Variants in PIGU observed in about 807,000 individuals in gnomAD.
PIGU encodes phosphatidylinositol glycan anchor biosynthesis class U.
PIGU carries 24 observed loss-of-function variants against 49.9 expected under a neutral mutation model. The ratio of observed to expected loss-of-function variants is 0.48; its 90% CI spans 0.35 to 0.68. The LOEUF is 0.68. Ranked by LOEUF, PIGU falls within the 30% of genes least tolerant of loss-of-function variation. PIGU has a pLI of 0.01. For missense variants in PIGU, 490 were observed against 532.6 expected (o/e 0.92, Z 0.79); for synonymous variants, 220 against 205.7 (o/e 1.07, Z -0.59).
At position 34,560,869 on chromosome 20, in the gene PIGU, C is replaced by A; in HGVS notation, c.1305G>T (p.Lys435Asn). Residue 435 changes from lysine to asparagine, a missense_variant, in exon 12 of 12, where the codon AAG becomes AAT. Lys to Asn is a moderately conservative substitution (Grantham distance 94, BLOSUM62 0). Transcript: ENST00000217446. ...KDGTEAMLVLK is the reference protein window; with the variant it reads ...KDGTEAMLVLN Reference sequence around the variant, plus strand: ...TGCAGCCCTGTGCCAGCCAGGCCTACTTGAGCACGAGCATGGCCTCTGTGC... The same window carrying A: ...TGCAGCCCTGTGCCAGCCAGGCCTAATTGAGCACGAGCATGGCCTCTGTGC... The A allele has an allele frequency of 1.2e-6, 2 of 1,603,064 alleles. No homozygotes were observed. The highest frequency in any genetic ancestry group is 1.7e-6 in the Non-Finnish European group (2 of 1,172,328).
At chr20:34,580,595 C>T (rs977595969) in intron 10 of PIGU, among the ~76,000 whole-genome samples, 1 of 152,250 alleles carries the variant, frequency 6.6e-6, no homozygotes, top group Non-Finnish European at 1.5e-5. Context: ...GAAAGTTCAA[C>T]AGCTCCCTTC....
chr20:34,564,433 C>T (rs575253572), intron 11 of PIGU, among the ~76,000 whole-genome samples: 2 of 152,212 alleles, frequency 1.3e-5, no homozygotes, highest in South Asian at 4.1e-4. Context: ...CTCGGGAAGC[C>T]GAGGCAAGGG....
intron 10 of PIGU, among the ~76,000 whole-genome samples, chr20:34,576,987 A>G (rs1425026944): frequency 6.6e-6 from 1 of 152,110 alleles, no homozygotes; most frequent in Non-Finnish European, 1.5e-5. Flanking sequence ...GGTTCTGGGG[A>G]TTACAACGTG....
In PIGU at chr20:34,605,071, G is replaced by A. The variant is rs148710123; in HGVS notation, c.627+10971C>T. 2.2e-4 allele frequency among the ~76,000 whole-genome samples: 33 copies of A among 152,234 alleles called. No homozygotes were observed. In the East Asian group the frequency reaches 5.6e-3, roughly 26 times the overall value. On this transcript the variant is annotated intron_variant, in intron 7 of 11. Coordinates refer to ENST00000217446, the MANE Select transcript of PIGU (RefSeq NM_080476.5). ...TTCAGCTTCTCGGTCCTGTGCACTC[G>A]GCTTTCCTTCACTGGAGCCTCCTGC...
intron 6 of PIGU, among the ~76,000 whole-genome samples, chr20:34,627,888 G>A (rs964963203): frequency 5.9e-5 from 9 of 152,026 alleles, no homozygotes; most frequent in Non-Finnish European, 1.3e-4. Flanking sequence ...TGACCACCAC[G>A]ATCTTCAGAA....
At chr20:34,636,143 G>A (rs1985955241) in intron 5 of PIGU, among the ~76,000 whole-genome samples, 1 of 152,160 alleles carries the variant, frequency 6.6e-6, no homozygotes, top group Non-Finnish European at 1.5e-5. Flanking sequence ...AGAGGCTACA[G>A]TGAGCCGTGA....
intron 7 of PIGU, among the ~76,000 whole-genome samples, chr20:34,614,642 AAT>A (rs1414857903): frequency 1.3e-5 from 2 of 151,766 alleles, no homozygotes; most frequent in Non-Finnish European, 2.9e-5. Flanking sequence ...AAAAAAAAAA[AAT>A]TTCTACGTTA....
chr20:34,674,949 A>G (rs1390381841), intron 1 of PIGU, among the ~76,000 whole-genome samples: 11 of 176 alleles, frequency 0.062, no homozygotes, highest in Admixed American at 0.25. Flanking sequence ...CTCTTGAAGA[A>G]AAAAAAAAAA....
chr20:34,587,534 A>G (rs6059931), intron 8 of PIGU, among the ~76,000 whole-genome samples: 129,109 of 152,152 alleles, frequency 0.85, 54,985 homozygotes, highest in Admixed American at 0.92. Context: ...ATTTTGGTAT[A>G]TACAATACTC....
chr20:34,608,343 G>C (rs1984692929), intron 7 of PIGU, among the ~76,000 whole-genome samples: 1 of 152,082 alleles, frequency 6.6e-6, no homozygotes, highest in Admixed American at 6.6e-5. Flanking sequence ...CAAAGTGCTG[G>C]GAATATAGGC....
chr20:34,577,453 C>A (rs939999466), intron 10 of PIGU, among the ~76,000 whole-genome samples: 1 of 152,210 alleles, frequency 6.6e-6, no homozygotes, highest in Non-Finnish European at 1.5e-5. Context: ...TGGTGGCTCA[C>A]GCCTGTAATC....
At chr20:34,565,377 G>A (rs1274597293) in intron 11 of PIGU, among the ~76,000 whole-genome samples, 4 of 151,804 alleles carry the variant, frequency 2.6e-5, no homozygotes, top group African/African-American at 4.8e-5. Context: ...TCAGCCTCCC[G>A]AGAAAGCTGG....
At chr20:34,585,292 G>A (rs1368435309) in intron 9 of PIGU, 145 bp downstream of exon 9, 12 of 970,156 alleles carry the variant, frequency 1.2e-5, no homozygotes, top group Middle Eastern at 3.1e-4. Context: ...TGGCAACTGC[G>A]GCAACTGAAG....
chr20:34,657,118 G>T, intron 2 of PIGU, 62 bp downstream of exon 2: 1 of 1,270,156 alleles, frequency 7.9e-7, no homozygotes, highest in Non-Finnish European at 1.1e-6. Context: ...CAGAGGTTAG[G>T]CTTTGGTATC....
chr20:34,560,742 G>T lies in PIGU; in HGVS notation c.*124C>A. 1 of 643,728 alleles carries T rather than the reference G, an allele frequency of 1.6e-6. No individual in the cohort carries two copies. Among genetic ancestry groups the T allele is most frequent in the Non-Finnish European group, 2.5e-6 (1 of 402,446 alleles). 39.9% of individuals were successfully genotyped at this position (643,728 alleles called of 1,614,324 possible). The stretch of plus-strand genomic sequence containing the variant: ...GGGTCCCTTTTGGTACCAGAGACTT[G>T]TGACCCTGGACTCGAACCTCTTCTG... On this transcript the variant is annotated 3_prime_UTR_variant, in exon 12 of 12. Transcript: ENST00000217446.
Position 34,615,585 on chromosome 20 carries a change from G to A in PIGU, c.627+457C>T, listed in dbSNP as rs7273683. Among the ~76,000 whole-genome samples the A allele has an allele frequency of 3.0e-3, 451 of 152,192 alleles. 3 individuals are homozygous for A. The highest frequency in any genetic ancestry group is 0.01 in the African/African-American group (430 of 41,520). ...TGTTGTCAACTGTGGTCCTTAAATG[G>A]AAAATTCCAGAAACAAACAATTCAT... On this transcript the variant is annotated intron_variant, in intron 7 of 11. Transcript: ENST00000217446.
intron 1 of PIGU, among the ~76,000 whole-genome samples, chr20:34,662,679 T>G (rs1285932198): frequency 1.3e-5 from 2 of 152,218 alleles, no homozygotes; most frequent in African/African-American, 4.8e-5. Flanking sequence ...TAAATAGGTT[T>G]GTTTGTAGAG....
chr20:34,574,495 G>C (rs929148180), intron 11 of PIGU, among the ~76,000 whole-genome samples: 7 of 152,080 alleles, frequency 4.6e-5, no homozygotes, highest in African/African-American at 1.7e-4. Flanking sequence ...CAGCTCAGGG[G>C]AAGGCTGAGC....
chr20:34,672,872 A>T (rs934127881), intron 1 of PIGU, among the ~76,000 whole-genome samples: 2 of 150,658 alleles, frequency 1.3e-5, no homozygotes, highest in African/African-American at 2.4e-5. Context: ...AAAAAAAAAA[A>T]AAAAAAAATC....
Sources: allele counts gnomAD v4.1 joint callset (sites outside exome capture counted in the v4.1 genomes callset), GRCh38; gene constraint gnomAD v4.1.1; transcripts MANE v1.5; gene names NCBI Gene and HGNC (gene_info 2026-07-23, HGNC 2026-07-21).